The following PREX2 variants were observed in gnomAD, a reference collection of about 807,000 sequenced individuals.
PREX2 encodes phosphatidylinositol-3,4,5-trisphosphate dependent Rac exchange factor 2.
PREX2 carries 107 observed loss-of-function variants against 203.2 expected under a neutral mutation model. The observed-to-expected ratio is 0.53, with a 90% CI of 0.45 to 0.62. The LOEUF (loss-of-function observed/expected upper bound fraction) is 0.62, where lower values mean the gene tolerates loss of function less well. PREX2 is among the 20% of genes least tolerant of loss of function. The pLI, the probability that PREX2 is intolerant of heterozygous loss-of-function variation, is 0.00. For missense variants in PREX2, 1,777 were observed against 1,955.9 expected (o/e 0.91, Z 1.72); for synonymous variants, 672 against 663.6 (o/e 1.01, Z -0.19).
At chr8:68,188,205 A>G in intron 35 of PREX2, among the ~76,000 whole-genome samples, 1 of 152,210 alleles carries the variant, frequency 6.6e-6, no homozygotes, top group East Asian at 1.9e-4. Flanking sequence ...TGTCAAAACA[A>G]TGTCATAGAT....
chr8:67,953,204 T>A (rs1805405748), intron 1 of PREX2, among the ~76,000 whole-genome samples: 1 of 103,778 alleles, frequency 9.6e-6, no homozygotes, highest in Non-Finnish European at 1.9e-5. Flanking sequence ...CTTAAATCTG[T>A]CTTCTGCTCA....
chr8:68,140,541 A>T (rs1488885659), intron 33 of PREX2, among the ~76,000 whole-genome samples: 2 of 152,198 alleles, frequency 1.3e-5, no homozygotes, highest in Admixed American at 6.5e-5. Flanking sequence ...CAGATTCACT[A>T]ATCCTGTATC....
intron 8 of PREX2, among the ~76,000 whole-genome samples, chr8:68,052,873 T>TA (rs1161326471): frequency 6.6e-6 from 1 of 152,220 alleles, no homozygotes; most frequent in Non-Finnish European, 1.5e-5. Context: ...TGTAATGTAT[T>TA]AACACTCTGA....
intron 1 of PREX2, among the ~76,000 whole-genome samples, chr8:67,963,628 C>A (rs931942099): frequency 6.6e-6 from 1 of 151,728 alleles, no homozygotes; most frequent in Non-Finnish European, 1.5e-5. Flanking sequence ...TTTTTGTTTT[C>A]AATAATTATA....
At chr8:68,118,703 TTAAGG>T in intron 27 of PREX2, 59 bp downstream of exon 27, 1 of 1,209,894 alleles carries the variant, frequency 8.3e-7, no homozygotes, top group African/African-American at 1.5e-5. Flanking sequence ...GGAGATAACT[TTAAGG>T]TTTTAATTTC....
In PREX2 at chr8:68,167,515, T is replaced by G. The variant is rs544113710; in HGVS notation, c.4346+10079T>G. ...CCCAGCTAATTTTTGTATTTTTTGG[T>G]AGAGACGGAGTTTCACCATGTTGGC... On this transcript the variant is annotated intron_variant, in intron 35 of 39. Transcript: ENST00000288368. 5.0e-3 allele frequency among the ~76,000 whole-genome samples: 764 copies of G among 152,122 alleles called. 5 individuals carry two copies. The highest frequency in any genetic ancestry group is 0.016 in the African/African-American group (682 of 41,514).
At position 68,127,382 on chromosome 8, in the gene PREX2, A is replaced by G. The variant is rs763295322; in HGVS notation, c.3729A>G (p.Val1243=). 2 of 1,605,122 alleles carry G rather than the reference A, an allele frequency of 1.2e-6. No homozygotes were observed. The highest frequency in any genetic ancestry group is 1.3e-5 in the African/African-American group (1 of 74,558). The stretch of plus-strand genomic sequence containing the variant: ...ATGTGTTTTCTTTCTCTGCAGAGGT[A>G]AAGTGTAGGCTACTCCTGGCTCTTC... The part of the protein sequence containing the change: ...AQNIRKFVEE[V]KCRLLLALLE... Residue 1243 remains valine, a synonymous_variant, in exon 31 of 40, where the codon GTA becomes GTG. Transcript: ENST00000288368.
At chr8:68,002,619 AG>A (rs1164023071) in intron 1 of PREX2, among the ~76,000 whole-genome samples, 2 of 152,080 alleles carry the variant, frequency 1.3e-5, no homozygotes, top group Non-Finnish European at 2.9e-5. Flanking sequence ...TGATATTCTT[AG>A]GTTGATGCTT....
At chr8:68,040,944 G>C (rs1334223665) in intron 7 of PREX2, among the ~76,000 whole-genome samples, 1 of 152,140 alleles carries the variant, frequency 6.6e-6, no homozygotes, top group Non-Finnish European at 1.5e-5. Flanking sequence ...TTTAAAGCAT[G>C]AATATACTTT....
intron 1 of PREX2, among the ~76,000 whole-genome samples, chr8:67,998,574 C>T (rs1806838814): frequency 6.6e-6 from 1 of 152,158 alleles, no homozygotes; most frequent in Non-Finnish European, 1.5e-5. Context: ...CAAGACCAGC[C>T]TGAGCAACAT....
intron 1 of PREX2, among the ~76,000 whole-genome samples, chr8:67,959,842 T>G (rs985208387): frequency 3.9e-5 from 6 of 152,120 alleles, no homozygotes; most frequent in Non-Finnish European, 8.8e-5. Context: ...CAGAATCTGA[T>G]GAACTGGTTT....
chr8:68,108,067 A>G, intron 23 of PREX2, 42 bp from the exon 24 acceptor site: 2 of 1,357,980 alleles, frequency 1.5e-6, no homozygotes, highest in Non-Finnish European at 2.1e-6. Context: ...CTGAGTTATT[A>G]CTGTGTGTTC....
At chr8:68,136,794 C>A (rs1299524169) in intron 32 of PREX2, among the ~76,000 whole-genome samples, 3 of 152,156 alleles carry the variant, frequency 2.0e-5, no homozygotes, top group African/African-American at 7.2e-5. Flanking sequence ...ACGCTGCCCT[C>A]CTTTGGGGTC....
intron 35 of PREX2, among the ~76,000 whole-genome samples, chr8:68,180,997 A>G (rs1812074349): frequency 6.6e-6 from 1 of 152,196 alleles, no homozygotes; most frequent in South Asian, 2.1e-4. Context: ...GGAAGATTCA[A>G]TATTGCATGA....
chr8:68,216,714 T>C (rs1812845069), intron 37 of PREX2, among the ~76,000 whole-genome samples: 1 of 152,036 alleles, frequency 6.6e-6, no homozygotes, highest in Non-Finnish European at 1.5e-5. Flanking sequence ...ATCCCAGCAC[T>C]TGGGAGGCCA....
intron 1 of PREX2, among the ~76,000 whole-genome samples, chr8:67,986,107 G>C (rs930736713): frequency 5.3e-5 from 8 of 152,146 alleles, no homozygotes; most frequent in Non-Finnish European, 7.4e-5. Flanking sequence ...TTTGGTTGGA[G>C]ACAGGAAAAA....
chr8:68,113,039 A>G (rs534348353), intron 25 of PREX2, among the ~76,000 whole-genome samples: 2 of 152,328 alleles, frequency 1.3e-5, no homozygotes, highest in African/African-American at 4.8e-5. Context: ...GTTTTAATTA[A>G]TGGACCTCTA....
At chr8:68,033,058 A>G (rs1294861865) in intron 6 of PREX2, among the ~76,000 whole-genome samples, 2 of 152,074 alleles carry the variant, frequency 1.3e-5, no homozygotes, top group Non-Finnish European at 2.9e-5. Context: ...TCTCTCACTT[A>G]ATTATCTGGG....
chr8:68,185,829 C>T lies in PREX2; in HGVS notation c.4347-5893C>T, dbSNP rs965067299. Among the ~76,000 whole-genome samples the T allele has an allele frequency of 3.5e-4, 52 of 148,382 alleles. 3 individuals carry two copies. The highest frequency in any genetic ancestry group is 1.2e-3 in the African/African-American group (48 of 39,564). The stretch of plus-strand genomic sequence containing the variant: ...ATGCCAGCATGAAAGGAAACATACT[C>T]TGCAGCCCATATAAAATAGTAGCCA... On this transcript the variant is annotated intron_variant, in intron 35 of 39. Coordinates refer to ENST00000288368, the MANE Select transcript of PREX2 (RefSeq NM_024870.4).
Sources: gnomAD v4.1 joint callset for allele counts (sites outside exome capture counted in the v4.1 genomes callset) on GRCh38, gnomAD v4.1.1 for gene constraint, MANE v1.5 for transcripts, NCBI Gene and HGNC (gene_info 2026-07-23, HGNC 2026-07-21) for gene names.